STRN4: variants seen among roughly 807,000 people sequenced by gnomAD.
The protein encoded by STRN4 is striatin-4.
In STRN4, 27 loss-of-function variants were observed where a neutral mutation model predicts 77.9. The ratio of observed to expected loss-of-function variants is 0.35; its 90% CI spans 0.26 to 0.48. STRN4 has a LOEUF of 0.48. STRN4 is among the 20% of genes least tolerant of loss of function. The pLI is 0.99. For synonymous variants in STRN4, 466 were observed against 443.1 expected (o/e 1.05, Z -0.65); for missense variants, 798 against 1,049.7 (o/e 0.76, Z 3.31).
chr19:46,730,925 C>A, intron 5 of STRN4, 52 bp from the exon 6 acceptor site: 1 of 1,596,214 alleles, frequency 6.3e-7, no homozygotes. Context: ...GGTGTCAAAG[C>A]TCAGATAGGA....
chr19:46,726,705 G>A (rs993274755), intron 9 of STRN4, among the ~76,000 whole-genome samples: 8 of 152,180 alleles, frequency 5.3e-5, no homozygotes, highest in Admixed American at 1.3e-4. Flanking sequence ...GACGAGCAGA[G>A]TACCAGGCAA....
chr19:46,727,514 C>G lies in STRN4; in HGVS notation c.1186G>C (p.Glu396Gln). The G allele has an allele frequency of 4.3e-6, 7 of 1,614,058 alleles. No homozygotes were observed. Among genetic ancestry groups the G allele is most frequent in the East Asian group, 2.2e-5 (1 of 44,876 alleles). The change falls in exon 9 of 18, where the codon GAG becomes CAG. Residue 396 changes from glutamate (E) to glutamine (Q), a missense_variant. Glu to Gln is a conservative substitution (Grantham distance 29). Coordinates refer to ENST00000263280, the MANE Select transcript of STRN4 (RefSeq NM_013403.3). ...VFIMDTIGGG[E>Q]VSLGDLADLT... ...TCTGCCAAGTCCCCCAGGCTCACCT[C>G]CCCGCCCCCGATAGTGTCCATGATG...
At position 46,727,951 on chromosome 19, in the gene STRN4, G is replaced by C. The variant is rs758707033; in HGVS notation, c.1096C>G (p.Leu366Val). 3.1e-6 allele frequency: 5 copies of C among 1,613,776 alleles called. No individual in the cohort carries two copies. Among genetic ancestry groups the C allele is most frequent in the Non-Finnish European group, 8.5e-7 (1 of 1,179,844 alleles). ...GGCGGGCCAGTCACTTTTGGGGGCA[G>C]CCCATCCACATCCCGCAGGTCAGCC... ...ILADLRDVDG[L>V]PPKVTGPPPG... is the part of the protein sequence containing the mutation. The change falls in exon 8 of 18, where the codon CTG (leucine) becomes GTG (valine). Residue 366 changes from leucine to valine, a missense_variant. Transcript: ENST00000263280.
At chr19:46,728,269 C>T (rs1207831867) in intron 7 of STRN4, 4 of 611,470 alleles carry the variant, frequency 6.5e-6, no homozygotes, top group Non-Finnish European at 8.8e-6. Context: ...CTAGGAGTCA[C>T]AGGACAGGGA....
intron 8 of STRN4, 155 bp from the exon 9 acceptor site, chr19:46,727,701 G>T: frequency 1.3e-6 from 1 of 754,782 alleles, no homozygotes; most frequent in Non-Finnish European, 2.2e-6. Context: ...GCTGGAAAGA[G>T]ACAGAGAGAC....
At chr19:46,720,983 T>C (rs779702673) in intron 16 of STRN4, 110 of 472,470 alleles carry the variant, frequency 2.3e-4, no homozygotes, top group Non-Finnish European at 3.4e-4. Context: ...CAGCATTTCT[T>C]GAGCAGCTAC....
intron 5 of STRN4, chr19:46,732,836 A>G: frequency 1.6e-6 from 1 of 615,186 alleles, no homozygotes; most frequent in Non-Finnish European, 2.8e-6. Context: ...GGCCATGGCG[A>G]AGTGTGTGGA....
At chr19:46,737,466 A>G (rs1289479471) in intron 3 of STRN4, among the ~76,000 whole-genome samples, 2 of 152,128 alleles carry the variant, frequency 1.3e-5, no homozygotes, top group Admixed American at 1.3e-4. Flanking sequence ...GCAGCAGGTA[A>G]TGACCATCAC....
chr19:46,746,060 T>C, intron 1 of STRN4, 89 bp downstream of exon 1: 3 of 1,154,534 alleles, frequency 2.6e-6, no homozygotes, highest in Non-Finnish European at 2.2e-6. Context: ...CGGCGGCCAT[T>C]GCTCCAAGAT....
intron 3 of STRN4, among the ~76,000 whole-genome samples, chr19:46,737,365 G>A (rs2054387390): frequency 6.6e-6 from 1 of 152,194 alleles, no homozygotes; most frequent in Admixed American, 6.5e-5. Context: ...GTCTTTCCTG[G>A]GCATCTACGC....
At chr19:46,729,872 A>G (rs908501465) in intron 6 of STRN4, among the ~76,000 whole-genome samples, 3 of 152,182 alleles carry the variant, frequency 2.0e-5, no homozygotes, top group African/African-American at 7.2e-5. Flanking sequence ...AAGCCAAGAC[A>G]AAGAAGTGTG....
chr19:46,745,635 T>C (rs2054572641), intron 1 of STRN4: 1 of 152,608 alleles, frequency 6.6e-6, no homozygotes, highest in Non-Finnish European at 1.5e-5. Flanking sequence ...ACCTCCAACC[T>C]GCACCTGGCT....
chr19:46,730,423 AAG>A (rs1209212642), intron 6 of STRN4, among the ~76,000 whole-genome samples: 3 of 68,366 alleles, frequency 4.4e-5, no homozygotes, highest in Non-Finnish European at 9.5e-5. Flanking sequence ...TAAAGGAGGA[AAG>A]AAAGGGGACC....
At chr19:46,746,035 C>CA in intron 1 of STRN4, 114 bp downstream of exon 1, 3 of 1,223,192 alleles carry the variant, frequency 2.5e-6, no homozygotes, top group South Asian at 4.4e-5. Context: ...CCTCCCGCCC[C>CA]CCCGCCGGCC....
At chr19:46,737,022 C>G (rs2054380073) in intron 3 of STRN4, 121 bp from the exon 4 acceptor site, 3 of 861,888 alleles carry the variant, frequency 3.5e-6, no homozygotes, top group Non-Finnish European at 5.5e-6. Context: ...TGTGGCATCA[C>G]TTCCTGAGTG....
chr19:46,722,722 A>T, intron 14 of STRN4, 88 bp downstream of exon 14: 1 of 1,567,004 alleles, frequency 6.4e-7, no homozygotes, highest in South Asian at 1.2e-5. Flanking sequence ...ATCTGAGCTG[A>T]CTGACAAGGG....
In STRN4 at chr19:46,723,346, C is replaced by T; in HGVS notation, c.1595-62G>A. On this transcript the variant is annotated intron_variant, in intron 12 of 17. Transcript: ENST00000263280. The surrounding 1 kb of genome is among the most constrained non-coding windows in gnomAD (Gnocchi z 5.5). ...GGCTGCCAGCTCCTCCCTGGACAGC[C>T]CAGAGCCCCAGCTCTGCCAAGCCCC... 6.8e-7 allele frequency: 1 copy of T among 1,480,294 alleles called. No individual in the cohort carries two copies. The highest frequency in any genetic ancestry group is 9.0e-7 in the Non-Finnish European group (1 of 1,114,650). The allele number at this position is 1,480,294 out of a possible 1,614,324, so 91.7% of individuals were successfully genotyped here.
In STRN4 at chr19:46,741,904, C is replaced by T. The variant is rs527660093; in HGVS notation, c.283-3016G>A. 6.6e-6 allele frequency among the ~76,000 whole-genome samples: 1 copy of T among 152,336 alleles called. No individual in the cohort carries two copies. The highest frequency in any genetic ancestry group is 2.1e-4 in the South Asian group (1 of 4,830). On this transcript the variant is annotated intron_variant, in intron 1 of 17. Coordinates refer to ENST00000263280, the MANE Select transcript of STRN4 (RefSeq NM_013403.3). The surrounding 1 kb of genome is among the most constrained non-coding windows in gnomAD (Gnocchi z 4.9). ...TTCAGCAGCTGCTGGCAGGAATGGG[C>T]CCCCAGGAAGCTGAAGTGGGCAGGG...
intron 12 of STRN4, 91 bp downstream of exon 12, chr19:46,724,716 T>G: frequency 6.3e-7 from 1 of 1,581,360 alleles, no homozygotes; most frequent in South Asian, 1.1e-5. Flanking sequence ...GCCTGCAGTG[T>G]TGGCAAGAGG....
Sources: allele counts gnomAD v4.1 joint callset (sites outside exome capture counted in the v4.1 genomes callset), GRCh38; gene constraint gnomAD v4.1.1; non-coding constraint Gnocchi (gnomAD v3.1); transcripts MANE v1.5; gene names NCBI Gene and HGNC (gene_info 2026-07-23, HGNC 2026-07-21).